The following NUCB1 variants were observed in gnomAD, a reference collection of about 807,000 sequenced individuals.
NUCB1 encodes nucleobindin 1.
NUCB1 carries 47 observed loss-of-function variants against 61.2 expected under a neutral mutation model. The observed-to-expected ratio is 0.77, with a 90% CI of 0.61 to 0.98. The LOEUF is 0.98. Among genes scored for constraint, NUCB1 ranks in the 50% least tolerant of loss-of-function variants. The pLI, the probability that NUCB1 is intolerant of heterozygous loss-of-function variation, is 0.00. For synonymous variants in NUCB1, 234 were observed against 243.1 expected (o/e 0.96, Z 0.35); for missense variants, 583 against 605.3 (o/e 0.96, Z 0.39).
At chr19:48,918,806 G>A (rs1168860776) in intron 8 of NUCB1, 22 bp downstream of exon 8, 1 of 1,609,294 alleles carries the variant, frequency 6.2e-7, no homozygotes, top group Non-Finnish European at 8.5e-7. Flanking sequence ...GGAAGCCTCG[G>A]GCACCTGGAG....
chr19:48,912,950 A>G, intron 5 of NUCB1, 61 bp from the exon 6 acceptor site: 2 of 1,371,044 alleles, frequency 1.5e-6, no homozygotes, highest in South Asian at 1.4e-5. Context: ...TGCCATTTAC[A>G]GGCTGGAATT....
intron 7 of NUCB1, among the ~76,000 whole-genome samples, chr19:48,915,578 G>A (rs967953805): frequency 1.3e-5 from 2 of 152,010 alleles, no homozygotes; most frequent in Non-Finnish European, 2.9e-5. Flanking sequence ...GTACTACCTC[G>A]CAGCCTTGAC....
At chr19:48,911,367 T>C in intron 5 of NUCB1, 115 bp downstream of exon 5, 2 of 702,046 alleles carry the variant, frequency 2.8e-6, no homozygotes, top group South Asian at 3.2e-5. Flanking sequence ...TCTCTGAGGT[T>C]GGAGGCTGGT....
intron 2 of NUCB1, chr19:48,901,153 A>G: frequency 1.6e-6 from 1 of 616,072 alleles, no homozygotes. Flanking sequence ...CCCCAACTAA[A>G]CGTCTGTTTT....
intron 5 of NUCB1, 143 bp downstream of exon 5, chr19:48,911,395 CTTTT>C: frequency 3.2e-6 from 1 of 311,464 alleles, no homozygotes; most frequent in Non-Finnish European, 5.4e-6. Context: ...TGAGTCGTTT[CTTTT>C]CTTTTCTTTT....
chr19:48,900,501 G>T, intron 1 of NUCB1, 129 bp downstream of exon 1: 1 of 496,944 alleles, frequency 2.0e-6, no homozygotes, highest in Non-Finnish European at 3.6e-6. Context: ...AGGAGGCTGG[G>T]ACCCTGGACT....
Position 48,911,076 on chromosome 19 carries a change from G to A in NUCB1, c.377-73G>A, listed in dbSNP as rs1568585580. Reference sequence around the variant, plus strand: ...CCTAGTGCTGTCCGTGACTTCTTTGGATCATGTCTGGCCCAAGATGGGGGT... The same window carrying A: ...CCTAGTGCTGTCCGTGACTTCTTTGAATCATGTCTGGCCCAAGATGGGGGT... On this transcript the variant is annotated intron_variant, in intron 4 of 12. Transcript: ENST00000405315. The A allele has an allele frequency of 1.3e-5, 15 of 1,133,686 alleles. 1 individual carries two copies. Among genetic ancestry groups the A allele is most frequent in the Middle Eastern group, 3.9e-4 (2 of 5,084 alleles). 70.2% of individuals were successfully genotyped at this position (1,133,686 alleles called of 1,614,324 possible). A position where few individuals can be genotyped will look rare whatever the true frequency, so the allele number is the denominator to read the frequency against.
In NUCB1 at chr19:48,922,279, C is replaced by T. The variant is rs376999179; in HGVS notation, c.1280-39C>T. On this transcript the variant is annotated intron_variant, in intron 12 of 12. Transcript: ENST00000405315. ...CTGGGGTCCTGGGGGAGGAGGGGTT[C>T]GGATGTCCTGTGCCACCATTCCCTC... 80 of 1,551,722 alleles carry T rather than the reference C, an allele frequency of 5.2e-5. 1 individual carries two copies. In the South Asian group the frequency reaches 6.5e-4, roughly 13 times the overall value.
At chr19:48,921,978 T>G in intron 12 of NUCB1, 46 bp downstream of exon 12, 1 of 1,460,182 alleles carries the variant, frequency 6.8e-7, no homozygotes, top group Non-Finnish European at 9.4e-7. Context: ...GCTGGACCCC[T>G]GGGTCTGAGG....
intron 4 of NUCB1, among the ~76,000 whole-genome samples, chr19:48,906,352 C>T (rs962729501): frequency 1.4e-5 from 2 of 146,734 alleles, no homozygotes; most frequent in Non-Finnish European, 3.0e-5. Context: ...TGTAGTGAGC[C>T]GAGATCGCAC....
rs780595245 is a variant in NUCB1, at chr19:48,908,721, G to GGTGGGTGTGTGT, written c.377-2425_377-2424insGGTGTGTGTGTG. Among the ~76,000 whole-genome samples the GGTGGGTGTGTGT allele has an allele frequency of 1.1e-3, 121 of 109,366 alleles. 1 individual carries two copies. Among genetic ancestry groups the GGTGGGTGTGTGT allele is most frequent in the East Asian group, 7.5e-3 (27 of 3,580 alleles). 71.7% of individuals were successfully genotyped at this position (109,366 alleles called of 152,430 possible). ...TGTCTTTCTGCCCACTTGACCAAGG[G>GGTGGGTGTGTGT]GTGTGTGTGTGTGTGTGTGTGTGTG... On this transcript the variant is annotated intron_variant, in intron 4 of 12. Coordinates refer to ENST00000405315, the MANE Select transcript of NUCB1 (RefSeq NM_006184.6).
intron 2 of NUCB1, among the ~76,000 whole-genome samples, chr19:48,902,370 A>G (rs2037360856): frequency 6.6e-6 from 1 of 150,932 alleles, no homozygotes; most frequent in African/African-American, 2.4e-5. Flanking sequence ...CGGCCTCCCA[A>G]AGTGGTGGGA....
chr19:48,911,282 T>C (rs1481674662), intron 5 of NUCB1, 30 bp downstream of exon 5: 1 of 1,518,650 alleles, frequency 6.6e-7, no homozygotes, highest in Non-Finnish European at 9.1e-7. Flanking sequence ...AGGCAGAGGA[T>C]TGAGGGTAGC....
At chr19:48,913,311 G>A (rs2037500572) in intron 6 of NUCB1, 115 bp downstream of exon 6, 1 of 1,246,966 alleles carries the variant, frequency 8.0e-7, no homozygotes, top group Middle Eastern at 1.9e-4. Flanking sequence ...AAAACTCCCT[G>A]TTACTGTACC....
chr19:48,921,891 C>T lies in NUCB1; in HGVS notation c.1238C>T (p.Ala413Val), dbSNP rs2037614128. 5 of 1,611,696 alleles carry T rather than the reference C, an allele frequency of 3.1e-6. No individual in the cohort carries two copies. Among genetic ancestry groups the T allele is most frequent in the Non-Finnish European group, 4.2e-6 (5 of 1,179,448 alleles). Reference protein sequence around the residue: ...QQQQQGHKAPAAHPEGQLKFH... With the variant: ...QQQQQGHKAPVAHPEGQLKFH... ...CAGCAGCAAGGCCACAAGGCCCCGG[C>T]TGCCCACCCTGAGGGGCAGCTCAAG... Residue 413 changes from alanine (A) to valine (V), a missense_variant, in exon 12 of 13, where the codon GCT (alanine) becomes GTT (valine). Physicochemically the swap from Ala to Val is moderately conservative, Grantham distance 64 (BLOSUM62 0). Transcript: ENST00000405315.
At chr19:48,913,366 C>G in intron 6 of NUCB1, 108 bp from the exon 7 acceptor site, 1 of 1,251,712 alleles carries the variant, frequency 8.0e-7, no homozygotes. Context: ...TCTTAGTTTT[C>G]TTGCTTGAGG....
chr19:48,906,377 C>G lies in NUCB1; in HGVS notation c.376+492C>G, dbSNP rs560136644. ...CGAGATCGCACCATTGCACTCCAGCCTGGACAACAGAGTGAAACTCTGACT... is the reference window on the plus strand; with the variant it reads ...CGAGATCGCACCATTGCACTCCAGCGTGGACAACAGAGTGAAACTCTGACT... On this transcript the variant is annotated intron_variant, in intron 4 of 12. Coordinates refer to ENST00000405315, the MANE Select transcript of NUCB1 (RefSeq NM_006184.6). Among the ~76,000 whole-genome samples, 20 of 144,144 alleles carry G rather than the reference C, an allele frequency of 1.4e-4. No homozygotes were observed. The South Asian group carries it at 3.5e-3, about 25-fold the overall frequency. The allele number at this position is 144,144 out of a possible 152,430, so 94.6% of individuals were successfully genotyped here.
At position 48,918,710 on chromosome 19, in the gene NUCB1, A is replaced by G. The variant is rs778048395; in HGVS notation, c.758-16A>G. The G allele has an allele frequency of 1.2e-6, 2 of 1,611,370 alleles. No homozygotes were observed. The highest frequency in any genetic ancestry group is 2.2e-5 in the South Asian group (2 of 91,004). On this transcript the variant is annotated splice_polypyrimidine_tract_variant and intron_variant, in intron 7 of 12. Transcript: ENST00000405315. ...CCTCGGTCCCCTGAGATACCTTGCT[A>G]TCCTCTTCCCTTCAGATATCAACAG...
intron 2 of NUCB1, among the ~76,000 whole-genome samples, chr19:48,903,930 G>C (rs1313567964): frequency 7.2e-6 from 1 of 138,488 alleles, no homozygotes; most frequent in African/African-American, 2.7e-5. Context: ...GGATGGGTGG[G>C]TGGGTGGATG....
Sources: gnomAD v4.1 joint callset for allele counts (sites outside exome capture counted in the v4.1 genomes callset) on GRCh38, gnomAD v4.1.1 for gene constraint, MANE v1.5 for transcripts, NCBI Gene and HGNC (gene_info 2026-07-23, HGNC 2026-07-21) for gene names.